Variants in RBFOX2 observed in about 807,000 individuals in gnomAD.
RBFOX2 encodes RNA binding protein fox-1 homolog 2.
RBFOX2 carries 10 observed loss-of-function variants against 49.1 expected under a neutral mutation model. The observed-to-expected ratio is 0.20, with a 90% CI of 0.13 to 0.35. The LOEUF (loss-of-function observed/expected upper bound fraction) is 0.35, where lower values mean the gene tolerates loss of function less well. RBFOX2 is among the 10% of genes least tolerant of loss of function. The pLI is 1.00. For synonymous variants in RBFOX2, 183 were observed against 187.4 expected (o/e 0.98, Z 0.19); for missense variants, 323 against 486.9 (o/e 0.66, Z 3.17).
chr22:35,956,046 C>A (rs1308893494), intron 1 of RBFOX2, among the ~76,000 whole-genome samples: 3 of 152,110 alleles, frequency 2.0e-5, no homozygotes, highest in African/African-American at 4.8e-5. Flanking sequence ...TATAAAAATT[C>A]ATTGATCTTG....
intron 1 of RBFOX2, among the ~76,000 whole-genome samples, chr22:35,820,092 C>T (rs1027237661): frequency 1.3e-5 from 2 of 152,018 alleles, no homozygotes; most frequent in Non-Finnish European, 2.9e-5. Flanking sequence ...GGAGATGAAG[C>T]GAGAAAGGTA....
In RBFOX2 at chr22:35,983,108, A is replaced by T. The variant is rs193166647; in HGVS notation, c.187-44211T>A. On this transcript the variant is annotated intron_variant, in intron 1 of 13. Transcript: ENST00000438146. ...CTGAGGGCTGCTGGCAAGATAAGCA[A>T]TTTTTTCCTCATTATGGTAGACTTC... Among the ~76,000 whole-genome samples the T allele has an allele frequency of 5.5e-3, 843 of 152,258 alleles. 3 individuals carry two copies. The highest frequency in any genetic ancestry group is 9.1e-3 in the Non-Finnish European group (618 of 68,030).
At chr22:35,853,278 A>C (rs565895424) in intron 1 of RBFOX2, among the ~76,000 whole-genome samples, 53 of 150,144 alleles carry the variant, frequency 3.5e-4, no homozygotes, top group African/African-American at 1.2e-3. Context: ...TGGGCAACAA[A>C]GTGAGCCTCT....
chr22:35,790,187 T>C (rs1458539063), intron 2 of RBFOX2, among the ~76,000 whole-genome samples: 4 of 152,224 alleles, frequency 2.6e-5, no homozygotes, highest in African/African-American at 9.6e-5. Context: ...GGCAGCAAAA[T>C]AGGGCAACAT....
chr22:36,016,315 CCT>C (rs935950988), intron 1 of RBFOX2, among the ~76,000 whole-genome samples: 14 of 152,112 alleles, frequency 9.2e-5, no homozygotes, highest in Non-Finnish European at 1.8e-4. Context: ...CTCCCCAGGC[CCT>C]GTCTGTAGTT....
chr22:35,977,551 C>T (rs2057232633), intron 1 of RBFOX2, among the ~76,000 whole-genome samples: 1 of 151,446 alleles, frequency 6.6e-6, no homozygotes, highest in Non-Finnish European at 1.5e-5. Flanking sequence ...GCTGCGGATG[C>T]GAAGAGAGAA....
chr22:35,760,174 C>T (rs1938274364), intron 8 of RBFOX2, 154 bp from the exon 10 acceptor site: 1 of 938,166 alleles, frequency 1.1e-6, no homozygotes, highest in South Asian at 1.7e-5. Context: ...AACGTTCTAC[C>T]CTGGGTCTCT....
chr22:35,886,727 T>G (rs571413405), intron 1 of RBFOX2, among the ~76,000 whole-genome samples: 1 of 152,328 alleles, frequency 6.6e-6, no homozygotes, highest in Admixed American at 6.5e-5. Context: ...CACCGTAAGA[T>G]TGAACTGCAT....
chr22:35,789,357 G>A (rs1434005101), intron 2 of RBFOX2, among the ~76,000 whole-genome samples: 5 of 152,134 alleles, frequency 3.3e-5, no homozygotes, highest in African/African-American at 1.2e-4. Context: ...AGCCTGGCCA[G>A]CATGGTGAAA....
chr22:35,786,730 A>G (rs188842147), intron 2 of RBFOX2, among the ~76,000 whole-genome samples: 1 of 152,368 alleles, frequency 6.6e-6, no homozygotes, highest in Non-Finnish European at 1.5e-5. Context: ...TGAAACAGGT[A>G]CTACCATTAT....
At chr22:35,784,047 C>T (rs1945826200) in intron 2 of RBFOX2, among the ~76,000 whole-genome samples, 3 of 152,210 alleles carry the variant, frequency 2.0e-5, no homozygotes, top group South Asian at 4.1e-4. Context: ...TGCGCTGAAG[C>T]GGGCAGGGAC....
At chr22:35,876,694 TAA>T in intron 1 of RBFOX2, among the ~76,000 whole-genome samples, 1 of 136,770 alleles carries the variant, frequency 7.3e-6, no homozygotes, top group East Asian at 2.0e-4. Context: ...ATTCTCCCAT[TAA>T]AAGAAACACA....
At chr22:35,760,124 C>T (rs1004758570) in intron 8 of RBFOX2, 104 bp from the exon 10 acceptor site, 21 of 1,449,250 alleles carry the variant, frequency 1.4e-5, no homozygotes, top group East Asian at 2.3e-5. Context: ...TGGAAAGATA[C>T]GAACCACACC....
intron 1 of RBFOX2, among the ~76,000 whole-genome samples, chr22:35,944,363 A>G (rs1054095394): frequency 6.6e-6 from 1 of 152,216 alleles, no homozygotes; most frequent in African/African-American, 2.4e-5. Flanking sequence ...TTTTCTGGAA[A>G]TTATCAATAT....
At chr22:35,764,178 A>AAT (rs1351982221) in intron 6 of RBFOX2, among the ~76,000 whole-genome samples, 1 of 152,196 alleles carries the variant, frequency 6.6e-6, no homozygotes, top group African/African-American at 2.4e-5. Flanking sequence ...AGCTGGGCTA[A>AAT]ATATATTTAT....
chr22:35,794,485 A>T (rs1417877925), intron 2 of RBFOX2, among the ~76,000 whole-genome samples: 1 of 151,972 alleles, frequency 6.6e-6, no homozygotes, highest in African/African-American at 2.4e-5. Flanking sequence ...GGTGAAACCC[A>T]GTCTCTACTA....
chr22:35,867,439 CT>C (rs778049884), intron 1 of RBFOX2, among the ~76,000 whole-genome samples: 4 of 152,206 alleles, frequency 2.6e-5, no homozygotes, highest in Admixed American at 6.5e-5. Flanking sequence ...TCATGTATTT[CT>C]TCCTTTGGAG....
intron 1 of RBFOX2, among the ~76,000 whole-genome samples, chr22:36,022,656 G>A (rs927851887): frequency 2.1e-4 from 32 of 152,082 alleles, no homozygotes; most frequent in Non-Finnish European, 3.8e-4. Context: ...TCTAAATTTC[G>A]TATGTTGAAG....
At chr22:35,932,991 T>C (rs1251617637) in intron 1 of RBFOX2, among the ~76,000 whole-genome samples, 2 of 152,356 alleles carry the variant, frequency 1.3e-5, no homozygotes, top group Non-Finnish European at 2.9e-5. Context: ...ACTCAAGAAC[T>C]TTCAAGTCAT....
Sources: gnomAD v4.1 joint callset for allele counts (sites outside exome capture counted in the v4.1 genomes callset) on GRCh38, gnomAD v4.1.1 for gene constraint, MANE v1.5 for transcripts, NCBI Gene and HGNC (gene_info 2026-07-23, HGNC 2026-07-21) for gene names.